The following D2HGDH variants were observed in gnomAD, a reference collection of about 807,000 sequenced individuals.
The protein encoded by D2HGDH is D-2-hydroxyglutarate dehydrogenase, mitochondrial.
In D2HGDH, 31 loss-of-function variants were observed where a neutral mutation model predicts 46.9. The observed-to-expected ratio is 0.66, with a 90% CI of 0.50 to 0.89. The LOEUF is 0.89. Ranked by LOEUF, D2HGDH falls within the 40% of genes least tolerant of loss-of-function variation. The pLI is 0.00. For synonymous variants in D2HGDH, 364 were observed against 332.6 expected, an observed-to-expected ratio of 1.09 and a Z score of -1.03; for missense variants, 698 against 720.8, an observed-to-expected ratio of 0.97 and a Z score of 0.36.
intron 8 of D2HGDH, 32 bp downstream of exon 8, chr2:241,751,420 C>T: frequency 6.2e-7 from 1 of 1,611,126 alleles, no homozygotes; most frequent in Non-Finnish European, 8.5e-7. Flanking sequence ...GGTCCCCGCT[C>T]TCTGTCCGTC....
chr2:241,749,987 A>G, intron 6 of D2HGDH, 164 bp from the exon 7 acceptor site: 1 of 999,092 alleles, frequency 1.0e-6, no homozygotes, highest in Non-Finnish European at 1.5e-6. Context: ...TGCACCTGCC[A>G]GGCAAACCCT....
chr2:241,749,114 G>A (rs1448917325), intron 6 of D2HGDH: 3 of 924,758 alleles, frequency 3.2e-6, no homozygotes, highest in South Asian at 2.6e-5. Context: ...GACTTCCGAC[G>A]AGGCACTCTT....
At chr2:241,741,187 C>G (rs1694363038) in intron 3 of D2HGDH, 97 bp downstream of exon 3, 2 of 1,128,754 alleles carry the variant, frequency 1.8e-6, no homozygotes, top group Admixed American at 3.9e-5. Flanking sequence ...CGGTGCGAAG[C>G]CAGCCGATGA....
intron 8 of D2HGDH, among the ~76,000 whole-genome samples, chr2:241,754,314 G>T (rs190801585): frequency 4.9e-4 from 75 of 152,316 alleles, no homozygotes; most frequent in African/African-American, 1.7e-3. Context: ...GGCAGGGCGT[G>T]ACCCAAGGGT....
At chr2:241,754,263 G>A (rs1359149335) in intron 8 of D2HGDH, among the ~76,000 whole-genome samples, 2 of 152,232 alleles carry the variant, frequency 1.3e-5, no homozygotes, top group Non-Finnish European at 2.9e-5. Flanking sequence ...CCGTGCCCGT[G>A]CGGCTGTGAC....
At position 241,751,242 on chromosome 2, in the gene D2HGDH, C is replaced by T. The variant is rs1335833040; in HGVS notation, c.998-4C>T. On this transcript the variant is annotated splice_region_variant and splice_polypyrimidine_tract_variant and intron_variant, in intron 7 of 9. Transcript: ENST00000321264. ...CTCACTCTGCCTTCCTTGCTCACTT[C>T]TAGAGAGTCCGTTTTACGTCCTCAT... The T allele has an allele frequency of 6.2e-7, 1 of 1,613,988 alleles. No homozygotes were observed. The highest frequency in any genetic ancestry group is 1.7e-5 in the Admixed American group (1 of 60,022).
chr2:241,735,387 C>CA lies in D2HGDH; in HGVS notation c.163_164insA (p.Arg55GlnfsTer10), dbSNP rs779896830. 2 of 1,590,276 alleles carry CA rather than the reference C, an allele frequency of 1.3e-6. No individual in the cohort carries two copies. Among genetic ancestry groups the CA allele is most frequent in the Non-Finnish European group, 1.7e-6 (2 of 1,172,064 alleles). ...GCTGACCCGGGAGCGCTACCCCGTG[C>CA]GGCGCTTGCCGTTCTCCACGGTGTC... On this transcript the variant is annotated frameshift_variant, in exon 2 of 10. Transcript: ENST00000321264. LOFTEE classifies it high-confidence loss of function.
At chr2:241,752,531 C>T (rs1034202858) in intron 8 of D2HGDH, among the ~76,000 whole-genome samples, 7 of 152,118 alleles carry the variant, frequency 4.6e-5, no homozygotes, top group South Asian at 4.1e-4. Flanking sequence ...TGTGGGTGAT[C>T]GCTGTGGCTG....
chr2:241,764,322 C>T (rs926482855), intron 9 of D2HGDH, among the ~76,000 whole-genome samples: 3 of 152,230 alleles, frequency 2.0e-5, no homozygotes, highest in Non-Finnish European at 2.9e-5. Flanking sequence ...GACCCTGCAG[C>T]TACAGACAGA....
rs1695086115 is a variant in D2HGDH at position 241,743,549 on chromosome 2, TG to T, written c.491-68del. 1 of 1,535,996 alleles carries T rather than the reference TG, an allele frequency of 6.5e-7. No individual in the cohort carries two copies. The highest frequency in any genetic ancestry group is 8.8e-7 in the Non-Finnish European group (1 of 1,133,490). ...TTCTGGGTGGCTTGCCTGTGCAAGA[TG>T]GGGGTTGGGACTCACCAGCCCGGGG... On this transcript the variant is annotated intron_variant, in intron 4 of 9. Coordinates refer to ENST00000321264, the MANE Select transcript of D2HGDH (RefSeq NM_152783.5). This position sits in a 1 kb window ranked among gnomAD's most constrained non-coding sequence, Gnocchi z 4.8.
At chr2:241,740,925 G>A in intron 2 of D2HGDH, 108 bp from the exon 3 acceptor site, 2 of 856,706 alleles carry the variant, frequency 2.3e-6, no homozygotes, top group South Asian at 1.4e-5. Flanking sequence ...GGGCAACAGA[G>A]TGAGAGTCCG....
At chr2:241,746,610 C>T (rs1470464448) in intron 6 of D2HGDH, among the ~76,000 whole-genome samples, 1 of 152,098 alleles carries the variant, frequency 6.6e-6, no homozygotes, top group East Asian at 1.9e-4. Context: ...AAAAATTAGG[C>T]TGGGCACAGT....
chr2:241,755,100 T>C (rs1007401659), intron 8 of D2HGDH: 20 of 1,303,946 alleles, frequency 1.5e-5, no homozygotes, highest in Non-Finnish European at 1.9e-5. Context: ...CAGGCCGATC[T>C]GTCTGAGCCC....
chr2:241,751,831 G>A (rs539021407), intron 8 of D2HGDH, among the ~76,000 whole-genome samples: 1 of 152,270 alleles, frequency 6.6e-6, no homozygotes, highest in East Asian at 1.9e-4. Context: ...GGCGTTGACT[G>A]TGTGACCAGA....
Position 241,735,367 on chromosome 2 carries a change from C to T in D2HGDH, c.143C>T (p.Thr48Ile), listed in dbSNP as rs1692473062. The T allele has an allele frequency of 1.3e-6, 2 of 1,573,582 alleles. No individual in the cohort carries two copies. Among genetic ancestry groups the T allele is most frequent in the South Asian group, 1.2e-5 (1 of 86,878 alleles). Residue 48 changes from threonine to isoleucine, a missense_variant, in exon 2 of 10, where the codon ACC becomes ATC. Coordinates refer to ENST00000321264, the MANE Select transcript of D2HGDH (RefSeq NM_152783.5). ...SAPGTPEVPLTRERYPVRRLP... is the reference protein window; with the variant it reads ...SAPGTPEVPLIRERYPVRRLP... Reference sequence around the variant, plus strand: ...CCGGGGACCCCCGAGGTGCCGCTGACCCGGGAGCGCTACCCCGTGCGGCGC... The same window carrying T: ...CCGGGGACCCCCGAGGTGCCGCTGATCCGGGAGCGCTACCCCGTGCGGCGC...
intron 9 of D2HGDH, among the ~76,000 whole-genome samples, chr2:241,761,846 G>C (rs1190073591): frequency 6.6e-6 from 1 of 151,990 alleles, no homozygotes; most frequent in Non-Finnish European, 1.5e-5. Flanking sequence ...GAACAGCTCA[G>C]ATTTTCTTTG....
At chr2:241,764,582 T>A (rs981611225) in intron 9 of D2HGDH, among the ~76,000 whole-genome samples, 34 of 152,360 alleles carry the variant, frequency 2.2e-4, no homozygotes, top group African/African-American at 6.3e-4. Context: ...TTGTCGGTTC[T>A]GGTGGAGGGA....
intron 9 of D2HGDH, among the ~76,000 whole-genome samples, chr2:241,765,100 G>T (rs1699166007): frequency 6.6e-6 from 1 of 152,210 alleles, no homozygotes; most frequent in Non-Finnish European, 1.5e-5. Context: ...CACCCATGGG[G>T]GTGGGGGCGT....
chr2:241,751,444 T>C, intron 8 of D2HGDH, 56 bp downstream of exon 8: 2 of 1,605,448 alleles, frequency 1.2e-6, no homozygotes, highest in Non-Finnish European at 1.7e-6. Flanking sequence ...TCCAGCCTTG[T>C]CTTGGGATGC....
Sources: gnomAD v4.1 joint callset for allele counts (sites outside exome capture counted in the v4.1 genomes callset) on GRCh38, gnomAD v4.1.1 for gene constraint, Gnocchi (gnomAD v3.1) non-coding constraint, MANE v1.5 for transcripts, NCBI Gene and HGNC (gene_info 2026-07-23, HGNC 2026-07-21) for gene names.